The following SEZ6L variants were observed in gnomAD, a reference collection of about 807,000 sequenced individuals.
The protein encoded by SEZ6L is seizure 6-like protein.
A neutral mutation model predicts 106.2 loss-of-function variants in SEZ6L; 37 were observed. The ratio of observed to expected loss-of-function variants is 0.35; its 90% CI spans 0.27 to 0.46. The LOEUF (loss-of-function observed/expected upper bound fraction) is 0.46. Ranked by LOEUF, SEZ6L falls within the 20% of genes least tolerant of loss-of-function variation. SEZ6L has a pLI of 1.00. For synonymous variants in SEZ6L, 541 were observed against 570.4 expected (o/e 0.95, Z 0.73); for missense variants, 1,172 against 1,332.8 (o/e 0.88, Z 1.88).
chr22:26,282,761 T>A (rs2080813269), intron 1 of SEZ6L, among the ~76,000 whole-genome samples: 1 of 152,156 alleles, frequency 6.6e-6, no homozygotes, highest in Non-Finnish European at 1.5e-5. Flanking sequence ...CTAGTTAAAA[T>A]CTTCAGAAAA....
At chr22:26,293,467 A>G (rs1342562625) in intron 2 of SEZ6L, among the ~76,000 whole-genome samples, 1 of 152,188 alleles carries the variant, frequency 6.6e-6, no homozygotes, top group Admixed American at 6.5e-5. Context: ...AGTAGCTGGG[A>G]CTACAAGCAT....
chr22:26,267,682 G>A (rs1051905890), intron 1 of SEZ6L, among the ~76,000 whole-genome samples: 34 of 152,168 alleles, frequency 2.2e-4, no homozygotes, highest in African/African-American at 7.5e-4. Context: ...GACAGAAAAG[G>A]CACTTCGAAC....
intron 1 of SEZ6L, among the ~76,000 whole-genome samples, chr22:26,234,175 G>A (rs1365851227): frequency 6.6e-6 from 1 of 152,220 alleles, no homozygotes; most frequent in Non-Finnish European, 1.5e-5. Flanking sequence ...ATCCAAGAGA[G>A]GGGGCAGGGG....
At chr22:26,207,480 T>G (rs1001815735) in intron 1 of SEZ6L, among the ~76,000 whole-genome samples, 3 of 152,214 alleles carry the variant, frequency 2.0e-5, no homozygotes, top group South Asian at 4.1e-4. Flanking sequence ...TGGCACATCA[T>G]AAGTCCTTAA....
intron 16 of SEZ6L, among the ~76,000 whole-genome samples, chr22:26,379,103 T>C (rs539658700): frequency 1.3e-5 from 2 of 152,314 alleles, no homozygotes; most frequent in Admixed American, 6.5e-5. Context: ...ACTCACATGG[T>C]TGTTGACAGC....
chr22:26,302,926 A>G (rs670530), intron 5 of SEZ6L, among the ~76,000 whole-genome samples: 28,777 of 152,188 alleles, frequency 0.19, 3,325 homozygotes, highest in Non-Finnish European at 0.26. Context: ...TCCATTTCTC[A>G]GCTCCTGAGC....
At position 26,351,130 on chromosome 22, in the gene SEZ6L, C is replaced by T. The variant is rs760443816; in HGVS notation, c.2486C>T (p.Thr829Ile). The change falls in exon 12 of 17, where the codon ACC (threonine) becomes ATC (isoleucine). Residue 829 changes from threonine to isoleucine, a missense_variant. Coordinates refer to ENST00000248933, the MANE Select transcript of SEZ6L (RefSeq NM_021115.5). The stretch of plus-strand genomic sequence containing the variant: ...GATCCTGTGCTGCTGGTGGGGACCA[C>T]CATCCAATACACCTGCAACCCCGGT... The part of the protein sequence containing the change: ...ISDPVLLVGT[T>I]IQYTCNPGFV... 131 of 1,614,062 alleles carry T rather than the reference C, an allele frequency of 8.1e-5. 3 individuals are homozygous for T. The highest frequency in any genetic ancestry group is 5.2e-4 in the South Asian group (47 of 91,082).
In SEZ6L at chr22:26,219,254, G is replaced by GGTTT. The variant is rs751642128; in HGVS notation, c.94+49491_94+49492insGTTT. 2.2e-5 allele frequency among the ~76,000 whole-genome samples: 3 copies of GGTTT among 135,088 alleles called. 1 individual carries two copies. Among genetic ancestry groups the GGTTT allele is most frequent in the African/African-American group, 8.2e-5 (3 of 36,664 alleles). 88.6% of individuals were successfully genotyped at this position (135,088 alleles called of 152,430 possible). A position where few individuals can be genotyped will look rare whatever the true frequency, so the allele number is the denominator to read the frequency against. ...CATAGAAGATGTTCGAGAAATACAAGTTTTTTTTTTTTTTTTCGCTCCTGG... is the reference window on the plus strand; with the variant it reads ...CATAGAAGATGTTCGAGAAATACAAGGTTTTTTTTTTTTTTTTTTTCGCTCCTGG... On this transcript the variant is annotated intron_variant, in intron 1 of 16. Transcript: ENST00000248933.
At chr22:26,219,762 C>A (rs1569392251) in intron 1 of SEZ6L, among the ~76,000 whole-genome samples, 1 of 152,096 alleles carries the variant, frequency 6.6e-6, no homozygotes, top group Non-Finnish European at 1.5e-5. Flanking sequence ...AGAACAGTGT[C>A]ACAGGGAAGG....
intron 9 of SEZ6L, among the ~76,000 whole-genome samples, chr22:26,335,542 A>G (rs1306784744): frequency 6.6e-6 from 1 of 152,132 alleles, no homozygotes; most frequent in Non-Finnish European, 1.5e-5. Flanking sequence ...TTAATAGGAT[A>G]TTAAATGTGT....
intron 1 of SEZ6L, among the ~76,000 whole-genome samples, chr22:26,278,231 AG>A (rs1423962417): frequency 6.6e-6 from 1 of 152,256 alleles, no homozygotes; most frequent in Non-Finnish European, 1.5e-5. Context: ...CGCAAGAAGC[AG>A]GGCTTTCCTA....
intron 14 of SEZ6L, 51 bp from the exon 15 acceptor site, chr22:26,375,524 C>A: frequency 6.7e-7 from 1 of 1,490,226 alleles, no homozygotes; most frequent in Non-Finnish European, 9.3e-7. Flanking sequence ...TGGGCACTCA[C>A]TGGGAGTCAG....
intron 1 of SEZ6L, among the ~76,000 whole-genome samples, chr22:26,232,631 A>T (rs1442894226): frequency 6.6e-6 from 1 of 152,236 alleles, no homozygotes; most frequent in Non-Finnish European, 1.5e-5. Context: ...AATAGTATTC[A>T]ATGCAATTAC....
At chr22:26,205,231 C>A (rs184544232) in intron 1 of SEZ6L, among the ~76,000 whole-genome samples, 1 of 152,328 alleles carries the variant, frequency 6.6e-6, no homozygotes, top group Admixed American at 6.5e-5. Context: ...ATTACCAACG[C>A]CTTCCTGGCA....
chr22:26,360,362 C>T (rs1041202216), intron 12 of SEZ6L, among the ~76,000 whole-genome samples: 1 of 152,108 alleles, frequency 6.6e-6, no homozygotes, highest in Non-Finnish European at 1.5e-5. Flanking sequence ...GGTTTGGTAT[C>T]AGGAAATACT....
chr22:26,338,013 C>T (rs945853803), intron 9 of SEZ6L, among the ~76,000 whole-genome samples: 1 of 152,172 alleles, frequency 6.6e-6, no homozygotes, highest in Non-Finnish European at 1.5e-5. Context: ...GCCACCTCAC[C>T]TCCCAACTCC....
chr22:26,169,926 C>G (rs1307123331), intron 1 of SEZ6L, among the ~76,000 whole-genome samples, 163 bp downstream of exon 1: 2 of 152,124 alleles, frequency 1.3e-5, no homozygotes, highest in African/African-American at 4.8e-5. Flanking sequence ...CCCCTTGGCC[C>G]GGGCTGATGG....
intron 1 of SEZ6L, among the ~76,000 whole-genome samples, chr22:26,202,083 T>A (rs944186829): frequency 6.6e-6 from 1 of 151,900 alleles, no homozygotes; most frequent in African/African-American, 2.4e-5. Flanking sequence ...CCGGCTAATT[T>A]TTTTGTATTT....
At chr22:26,367,079 C>CAGG (rs1394747722) in intron 13 of SEZ6L, among the ~76,000 whole-genome samples, 1 of 152,092 alleles carries the variant, frequency 6.6e-6, no homozygotes, top group African/African-American at 2.4e-5. Context: ...ATTAAAGCAT[C>CAGG]AGGGATGCAG....
Sources: allele counts gnomAD v4.1 joint callset (sites outside exome capture counted in the v4.1 genomes callset), GRCh38; gene constraint gnomAD v4.1.1; transcripts MANE v1.5; gene names NCBI Gene and HGNC (gene_info 2026-07-23, HGNC 2026-07-21).